PARP16: variants seen among roughly 807,000 people sequenced by gnomAD.
PARP16 encodes protein mono-ADP-ribosyltransferase PARP16.
Under a neutral mutation model 35.0 loss-of-function variants are expected in PARP16, and 31 were observed. The ratio of observed to expected loss-of-function variants is 0.88; its 90% CI spans 0.66 to 1.19. PARP16 has a LOEUF of 1.19. PARP16 is among the 50% of genes most tolerant of loss of function. PARP16 has a pLI of 0.00. For synonymous variants in PARP16, 162 were observed against 169.5 expected (o/e 0.96, Z 0.34); for missense variants, 424 against 411.2 (o/e 1.03, Z -0.27).
intron 4 of PARP16, among the ~76,000 whole-genome samples, chr15:65,261,580 C>T (rs1485622816): frequency 6.6e-6 from 1 of 151,730 alleles, no homozygotes; most frequent in Non-Finnish European, 1.5e-5. Flanking sequence ...CTCAGCCTCC[C>T]AAGTAGCTGG....
intron 3 of PARP16, among the ~76,000 whole-genome samples, chr15:65,239,847 A>G (rs1158991207): frequency 4.0e-5 from 6 of 148,826 alleles, no homozygotes; most frequent in Admixed American, 2.0e-4. Context: ...TAGTAGAGAC[A>G]GGGTTTCACT....
At chr15:65,255,757 A>AG (rs1009310175), downstream of PARP16, among the ~76,000 whole-genome samples, 4 of 151,208 alleles carry the variant, frequency 2.6e-5, no homozygotes, top group African/African-American at 9.7e-5. Flanking sequence ...AAAAAAAAAA[A>AG]AAAAGAAAAA....
intron 2 of PARP16, among the ~76,000 whole-genome samples, chr15:65,250,441 A>G (rs2089329491): frequency 6.6e-6 from 1 of 151,950 alleles, no homozygotes; most frequent in South Asian, 2.1e-4. Flanking sequence ...TTATTCCTTT[A>G]GAGTCAGCCC....
At chr15:65,278,057 G>A (rs1217192431) in intron 1 of PARP16, among the ~76,000 whole-genome samples, 1 of 152,216 alleles carries the variant, frequency 6.6e-6, no homozygotes, top group Non-Finnish European at 1.5e-5. Context: ...CTCCAGGTGG[G>A]AAAGAGCACG....
At chr15:65,235,121 C>T (rs1231420175) in intron 3 of PARP16, among the ~76,000 whole-genome samples, 1 of 151,638 alleles carries the variant, frequency 6.6e-6, no homozygotes, top group Non-Finnish European at 1.5e-5. Flanking sequence ...GTTGTGCAAA[C>T]GTACCCTAGA....
intron 4 of PARP16, among the ~76,000 whole-genome samples, chr15:65,262,676 C>A (rs920841227): frequency 3.1e-5 from 4 of 129,154 alleles, no homozygotes; most frequent in Non-Finnish European, 6.9e-5. Context: ...CTGGACCCAG[C>A]ATCCTTTGCT....
At chr15:65,234,453 C>G (rs528293475), downstream of PARP16, 1 of 152,244 alleles carries the variant, frequency 6.6e-6, no homozygotes, top group African/African-American at 2.4e-5. Context: ...CTGAAACACA[C>G]GCAATGTTCA....
chr15:65,240,313 G>GT (rs36061056), intron 3 of PARP16, among the ~76,000 whole-genome samples: 28,042 of 92,386 alleles, frequency 0.3, 3,094 homozygotes, highest in South Asian at 0.51. Context: ...TGTGTGTGGT[G>GT]GGGGGGGCTA....
Position 65,263,230 on chromosome 15 carries a change from G to A in PARP16, c.610C>T (p.Leu204Phe). 1.2e-6 allele frequency: 2 copies of A among 1,614,146 alleles called. No individual in the cohort carries two copies. The highest frequency in any genetic ancestry group is 2.2e-5 in the East Asian group (1 of 44,888). Residue 204 changes from leucine (L) to phenylalanine (F), a missense_variant, in exon 4 of 6, where the codon CTC becomes TTC. Physicochemically the swap from Leu to Phe is conservative, Grantham distance 22. Transcript: ENST00000649807. ...SPHGHGWQHSLLGPILSCVAV... is the reference protein window; with the variant it reads ...SPHGHGWQHSFLGPILSCVAV... ...ACACAGCTAAGGATGGGGCCGAGGA[G>A]GCTGTGCTGCCACCCATGGCCATGG...
chr15:65,262,139 T>C (rs933459798), intron 4 of PARP16, among the ~76,000 whole-genome samples: 6 of 150,536 alleles, frequency 4.0e-5, no homozygotes, highest in Non-Finnish European at 8.9e-5. Flanking sequence ...TCTTTCTTTT[T>C]TTTTTTTTTT....
At chr15:65,285,871 TTTTGGTGTCTAATTA>T (rs1198592656) in intron 1 of PARP16, among the ~76,000 whole-genome samples, 1 of 152,136 alleles carries the variant, frequency 6.6e-6, no homozygotes, top group Non-Finnish European at 1.5e-5. Flanking sequence ...TTTGGTGACT[TTTTGGTGTCTAATTA>T]TTTGCAAAAG....
At chr15:65,256,285 C>T (rs2089506401), downstream of PARP16, among the ~76,000 whole-genome samples, 1 of 152,154 alleles carries the variant, frequency 6.6e-6, no homozygotes, top group African/African-American at 2.4e-5. Context: ...AGCATCAATC[C>T]TCTTAATCCT....
At chr15:65,255,975 C>T (rs2089495635), downstream of PARP16, among the ~76,000 whole-genome samples, 1 of 152,154 alleles carries the variant, frequency 6.6e-6, no homozygotes, top group African/African-American at 2.4e-5. Flanking sequence ...TTGTCCACAT[C>T]TGCTATACTG....
At chr15:65,266,124 T>TA (rs2089883645) in intron 3 of PARP16, among the ~76,000 whole-genome samples, 1 of 152,028 alleles carries the variant, frequency 6.6e-6, no homozygotes. Flanking sequence ...GGATGGGGTT[T>TA]CACCACGTTG....
chr15:65,236,138 C>A (rs575409773), intron 3 of PARP16, among the ~76,000 whole-genome samples: 1 of 152,064 alleles, frequency 6.6e-6, no homozygotes. Context: ...GGATTACAGG[C>A]GTGAGCCACT....
At position 65,266,674 on chromosome 15, in the gene PARP16, G is replaced by A. The variant is rs141588530; in HGVS notation, c.407C>T (p.Ala136Val). The A allele has an allele frequency of 5.0e-6, 8 of 1,613,998 alleles. No individual in the cohort carries two copies. The South Asian group carries it at 7.7e-5, about 16-fold the overall frequency. Reference protein sequence around the residue: ...FEIEYFDPANAKFYETKGERD... With the variant: ...FEIEYFDPANVKFYETKGERD... ...TTCTCCTTTGGTCTCATAAAATTTG[G>A]CGTTGGCTGGGTCAAAGTACTCAAT... Residue 136 changes from alanine (A) to valine (V), a missense_variant, in exon 3 of 6, where the codon GCC becomes GTC. Transcript: ENST00000649807.
chr15:65,277,396 AACC>A (rs2090290588), intron 1 of PARP16, among the ~76,000 whole-genome samples: 1 of 152,232 alleles, frequency 6.6e-6, no homozygotes, highest in African/African-American at 2.4e-5. Context: ...CCCTGAGGCC[AACC>A]ACATCTTACT....
At chr15:65,280,504 C>A (rs1243873734) in intron 1 of PARP16, among the ~76,000 whole-genome samples, 1 of 148,750 alleles carries the variant, frequency 6.7e-6, no homozygotes. Flanking sequence ...TCCAAGAAGA[C>A]AACAACAGAT....
intron 5 of PARP16, among the ~76,000 whole-genome samples, chr15:65,260,459 A>G (rs2089671506): frequency 6.6e-6 from 1 of 152,160 alleles, no homozygotes; most frequent in Non-Finnish European, 1.5e-5. Context: ...AGGTCCAGAG[A>G]GGGGCAGTCA....
Sources: gnomAD v4.1 joint callset for allele counts (sites outside exome capture counted in the v4.1 genomes callset) on GRCh38, gnomAD v4.1.1 for gene constraint, MANE v1.5 for transcripts, NCBI Gene and HGNC (gene_info 2026-07-23, HGNC 2026-07-21) for gene names.